CACNA1I: variants seen among roughly 807,000 people sequenced by gnomAD.
The protein encoded by CACNA1I is calcium voltage-gated channel subunit alpha1 I, also known as voltage-dependent T-type calcium channel subunit alpha-1I.
Under a neutral mutation model 201.6 loss-of-function variants are expected in CACNA1I, and 74 were observed. The observed-to-expected ratio is 0.37, with a 90% CI of 0.30 to 0.45. The LOEUF (loss-of-function observed/expected upper bound fraction) is 0.45, where lower values mean the gene tolerates loss of function less well. Ranked by LOEUF, CACNA1I falls within the 20% of genes least tolerant of loss-of-function variation. CACNA1I has a pLI of 1.00. For synonymous variants in CACNA1I, 1,431 were observed against 1,345.2 expected (o/e 1.06, Z -1.40); for missense variants, 2,346 against 3,138.1 (o/e 0.75, Z 6.03).
chr22:39,669,942 C>T (rs1257635527), intron 24 of CACNA1I, 96 bp from the exon 25 acceptor site: 16 of 1,403,686 alleles, frequency 1.1e-5, no homozygotes, highest in Non-Finnish European at 1.6e-5. Context: ...AGGCTCAACA[C>T]ATGCCCACTC....
chr22:39,641,410 A>T (rs944088161), intron 6 of CACNA1I, among the ~76,000 whole-genome samples: 2 of 152,272 alleles, frequency 1.3e-5, no homozygotes, highest in Non-Finnish European at 2.9e-5. Context: ...TGGCAAAAAT[A>T]GGCTCTTAAC....
chr22:39,625,554 C>A (rs1050734234), intron 4 of CACNA1I, among the ~76,000 whole-genome samples: 12 of 152,156 alleles, frequency 7.9e-5, no homozygotes, highest in African/African-American at 2.9e-4. Flanking sequence ...TCAACTTTGT[C>A]CAGGATGAGC....
intron 1 of CACNA1I, among the ~76,000 whole-genome samples, chr22:39,580,909 C>T (rs563466241): frequency 6.6e-6 from 1 of 152,344 alleles, no homozygotes; most frequent in African/African-American, 2.4e-5. Context: ...GTGTTGGACA[C>T]TGGTCTGGGC....
chr22:39,624,342 C>A (rs1933839960), intron 4 of CACNA1I, among the ~76,000 whole-genome samples: 1 of 152,162 alleles, frequency 6.6e-6, no homozygotes, highest in African/African-American at 2.4e-5. Context: ...CTGCCCTGGC[C>A]TCTGGGAAGG....
intron 6 of CACNA1I, among the ~76,000 whole-genome samples, chr22:39,641,688 T>C (rs1427262483): frequency 2.6e-5 from 4 of 152,208 alleles, no homozygotes; most frequent in Admixed American, 6.5e-5. Flanking sequence ...GTGCACATAA[T>C]GCACACAGGT....
At chr22:39,617,211 A>G (rs3788569) in intron 3 of CACNA1I, among the ~76,000 whole-genome samples, 125,618 of 152,216 alleles carry the variant, frequency 0.83, 52,035 homozygotes, top group South Asian at 0.91. Flanking sequence ...GTTTATTTTC[A>G]TGGCGAGGCT....
intron 3 of CACNA1I, among the ~76,000 whole-genome samples, chr22:39,605,182 C>T (rs183104686): frequency 1.6e-3 from 248 of 151,876 alleles, no homozygotes; most frequent in Admixed American, 2.8e-3. Context: ...CTCTACCTCC[C>T]CTTCCCCAAA....
At chr22:39,596,191 TGG>T (rs369658128) in intron 1 of CACNA1I, among the ~76,000 whole-genome samples, 1 of 2,832 alleles carries the variant, frequency 3.5e-4, no homozygotes, top group African/African-American at 1.4e-3. Context: ...CGGAGGGAGA[TGG>T]GGGGGCAGGG....
chr22:39,628,479 C>G (rs540006733), intron 4 of CACNA1I, among the ~76,000 whole-genome samples: 6 of 151,850 alleles, frequency 4.0e-5, no homozygotes, highest in Non-Finnish European at 8.8e-5. Flanking sequence ...GGCCAGCCCC[C>G]GAGGGTGTGA....
intron 6 of CACNA1I, 124 bp downstream of exon 6, chr22:39,641,306 G>A (rs2039206655): frequency 1.3e-6 from 1 of 762,098 alleles, no homozygotes; most frequent in South Asian, 1.7e-5. Context: ...CTTGCTGGCA[G>A]AATAGGCATT....
intron 5 of CACNA1I, among the ~76,000 whole-genome samples, chr22:39,635,393 C>A (rs937684662): frequency 6.6e-6 from 1 of 152,118 alleles, no homozygotes; most frequent in African/African-American, 2.4e-5. Flanking sequence ...GGAGCCGATC[C>A]CAAACACCTC....
In CACNA1I at chr22:39,665,886, C is replaced by T; in HGVS notation, c.3984C>T (p.Phe1328=). ...ACCTCACCCCCTTTCCCCAGCTCTT[C>T]AAGGGCAAGTTCTACCACTGTCTGG... is the stretch of plus-strand genomic sequence containing the variant. The part of the protein sequence containing the change: ...IIFGILGVQL[F]KGKFYHCLGV... The change falls in exon 23 of 37, where the codon TTC becomes TTT. Residue 1328 remains phenylalanine (F), a synonymous_variant. Coordinates refer to ENST00000402142, the MANE Select transcript of CACNA1I (RefSeq NM_021096.4). The surrounding 1 kb of genome is among the most constrained non-coding windows in gnomAD (Gnocchi z 5.5). 1 of 1,613,882 alleles carries T rather than the reference C, an allele frequency of 6.2e-7. No individual in the cohort carries two copies. Among genetic ancestry groups the T allele is most frequent in the South Asian group, 1.1e-5 (1 of 91,078 alleles).
At chr22:39,669,911 C>T in intron 24 of CACNA1I, 127 bp from the exon 25 acceptor site, 1 of 1,046,998 alleles carries the variant, frequency 9.6e-7, no homozygotes, top group Non-Finnish European at 1.5e-6. Flanking sequence ...ATTTAGACCT[C>T]ACAGCCACCT....
intron 29 of CACNA1I, among the ~76,000 whole-genome samples, chr22:39,675,453 G>A (rs1202933002): frequency 1.3e-5 from 2 of 152,078 alleles, no homozygotes; most frequent in African/African-American, 2.4e-5. Context: ...CATGGGGCAC[G>A]GCACATGGAG....
intron 29 of CACNA1I, among the ~76,000 whole-genome samples, chr22:39,675,508 A>T (rs1847955072): frequency 6.6e-6 from 1 of 152,360 alleles, no homozygotes; most frequent in East Asian, 1.9e-4. Flanking sequence ...CAAGGTAGTC[A>T]TTACAAGTGC....
intron 31 of CACNA1I, 142 bp from the exon 32 acceptor site, chr22:39,678,965 A>AGTGGG: frequency 4.7e-6 from 3 of 632,498 alleles, no homozygotes; most frequent in Non-Finnish European, 8.1e-6. Flanking sequence ...AACAAGGCAG[A>AGTGGG]GTGGGGCAGG....
At chr22:39,656,886 C>A (rs1272230773) in intron 10 of CACNA1I, among the ~76,000 whole-genome samples, 1 of 152,218 alleles carries the variant, frequency 6.6e-6, no homozygotes. Flanking sequence ...TGCTTCCTTT[C>A]TCTGTGATTC....
chr22:39,634,492 C>A lies in CACNA1I; in HGVS notation c.581-73C>A, dbSNP rs142915084. 6.4e-4 allele frequency: 938 copies of A among 1,466,932 alleles called. 5 individuals are homozygous for A. In the African/African-American group the frequency reaches 0.011, roughly 17 times the overall value. The allele number at this position is 1,466,932 out of a possible 1,614,324, so 90.9% of individuals were successfully genotyped here. A position where few individuals can be genotyped will look rare whatever the true frequency, so the allele number is the denominator to read the frequency against. On this transcript the variant is annotated intron_variant, in intron 4 of 36. Coordinates refer to ENST00000402142, the MANE Select transcript of CACNA1I (RefSeq NM_021096.4). ...CCCCTCCCCCTCCCTGTTTCTCTAACCTTGCTCTCACTCTTTCGTCTCTGG... is the reference window on the plus strand; with the variant it reads ...CCCCTCCCCCTCCCTGTTTCTCTAAACTTGCTCTCACTCTTTCGTCTCTGG...
Position 39,578,281 on chromosome 22 carries a change from C to T in CACNA1I, c.236+7293C>T, listed in dbSNP as rs146492935. On this transcript the variant is annotated intron_variant, in intron 1 of 36. Coordinates refer to ENST00000402142, the MANE Select transcript of CACNA1I (RefSeq NM_021096.4). ...CTGAGCAGGCCACCTCTCAGTTCTG[C>T]TCCAGACAGGGCCTCAGGCCTCTGG... 6.2e-3 allele frequency among the ~76,000 whole-genome samples: 951 copies of T among 152,228 alleles called. 11 individuals are homozygous for T. The highest frequency in any genetic ancestry group is 0.022 in the African/African-American group (928 of 41,538).
Sources: gnomAD v4.1 joint callset for allele counts (sites outside exome capture counted in the v4.1 genomes callset) on GRCh38, gnomAD v4.1.1 for gene constraint, Gnocchi (gnomAD v3.1) non-coding constraint, MANE v1.5 for transcripts, NCBI Gene and HGNC (gene_info 2026-07-23, HGNC 2026-07-21) for gene names.